Variants in EXOC6B observed in about 807,000 individuals in gnomAD.
The protein encoded by EXOC6B is SEC15 homolog B.
Under a neutral mutation model 113.5 loss-of-function variants are expected in EXOC6B, and 54 were observed. The ratio of observed to expected loss-of-function variants is 0.48; its 90% CI spans 0.38 to 0.60. EXOC6B has a LOEUF of 0.60. Ranked by LOEUF, EXOC6B falls within the 20% of genes least tolerant of loss-of-function variation. The pLI is 0.00. For synonymous variants in EXOC6B, 357 were observed against 339.0 expected, an observed-to-expected ratio of 1.05 and a Z score of -0.58; for missense variants, 797 against 977.5, an observed-to-expected ratio of 0.82 and a Z score of 2.46.
chr2:72,195,604 C>T lies in EXOC6B; in HGVS notation c.2197-11417G>A, dbSNP rs570477930. 3.7e-3 allele frequency among the ~76,000 whole-genome samples: 564 copies of T among 152,254 alleles called. 3 individuals carry two copies. Among genetic ancestry groups the T allele is most frequent in the Non-Finnish European group, 5.8e-3 (396 of 68,010 alleles). ...ATTGAGTTGTTAACTAAACTACCCTCCCTCTCTGGACAAAATGACTAAGTG... is the reference window on the plus strand; with the variant it reads ...ATTGAGTTGTTAACTAAACTACCCTTCCTCTCTGGACAAAATGACTAAGTG... On this transcript the variant is annotated intron_variant, in intron 20 of 21. Coordinates refer to ENST00000272427, the MANE Select transcript of EXOC6B (RefSeq NM_015189.3).
chr2:72,285,398 T>C (rs897011272), intron 20 of EXOC6B, among the ~76,000 whole-genome samples: 3 of 152,046 alleles, frequency 2.0e-5, no homozygotes, highest in Non-Finnish European at 4.4e-5. Context: ...GATGTTCTTT[T>C]CGACAAATGT....
At chr2:72,406,686 T>A (rs902013960) in intron 18 of EXOC6B, among the ~76,000 whole-genome samples, 15 of 152,188 alleles carry the variant, frequency 9.9e-5, no homozygotes, top group Admixed American at 5.9e-4. Flanking sequence ...CCAGAATCTT[T>A]GGGACACATT....
chr2:72,589,378 T>G (rs377649334), intron 6 of EXOC6B, among the ~76,000 whole-genome samples: 18 of 152,130 alleles, frequency 1.2e-4, no homozygotes, highest in African/African-American at 3.6e-4. Context: ...AATAACTAAT[T>G]CAAAGGGAAA....
intron 7 of EXOC6B, among the ~76,000 whole-genome samples, chr2:72,564,206 G>A (rs1310420689): frequency 1.3e-5 from 2 of 152,068 alleles, no homozygotes; most frequent in Admixed American, 6.5e-5. Flanking sequence ...AAATAGAAAT[G>A]CATTAGTACA....
chr2:72,640,384 C>A (rs1162456868), intron 6 of EXOC6B, among the ~76,000 whole-genome samples: 1 of 152,136 alleles, frequency 6.6e-6, no homozygotes, highest in Non-Finnish European at 1.5e-5. Context: ...ACCAAATCTA[C>A]AACTCTTTGG....
intron 8 of EXOC6B, among the ~76,000 whole-genome samples, chr2:72,533,235 G>A (rs181370124): frequency 6.6e-6 from 1 of 152,294 alleles, no homozygotes; most frequent in Non-Finnish European, 1.5e-5. Context: ...GAGCTTGGCT[G>A]TGCCTAACTT....
At chr2:72,500,931 T>C (rs2105594272) in intron 11 of EXOC6B, among the ~76,000 whole-genome samples, 1 of 152,326 alleles carries the variant, frequency 6.6e-6, no homozygotes, top group African/African-American at 2.4e-5. Flanking sequence ...TGCTTCCTTA[T>C]AAAAGGGCTA....
rs1700998492 is a variant in EXOC6B at position 72,512,597 on chromosome 2, G to C, written c.1167+535C>G. ...ATGTTATGAACTTTTTTTTTCAAAA[G>C]GTAACAGTAGAACTGTGAACTCCAA... On this transcript the variant is annotated intron_variant, in intron 11 of 21. Coordinates refer to ENST00000272427, the MANE Select transcript of EXOC6B (RefSeq NM_015189.3). Among the ~76,000 whole-genome samples the C allele has an allele frequency of 2.0e-5, 3 of 151,434 alleles. No individual in the cohort carries two copies. In the South Asian group the frequency reaches 6.2e-4, roughly 31 times the overall value.
At chr2:72,812,099 T>C (rs754731306) in intron 1 of EXOC6B, among the ~76,000 whole-genome samples, 2 of 152,170 alleles carry the variant, frequency 1.3e-5, no homozygotes, top group Non-Finnish European at 2.9e-5. Flanking sequence ...CTCTCTCCAT[T>C]TGCAGATAAC....
chr2:72,778,982 C>A (rs1420701748), intron 1 of EXOC6B, among the ~76,000 whole-genome samples: 2 of 151,876 alleles, frequency 1.3e-5, no homozygotes, highest in Non-Finnish European at 2.9e-5. Flanking sequence ...TGAATATGTC[C>A]ATATATAGTA....
intron 21 of EXOC6B, among the ~76,000 whole-genome samples, chr2:72,183,334 T>C (rs1330523470): frequency 6.6e-6 from 1 of 152,206 alleles, no homozygotes; most frequent in African/African-American, 2.4e-5. Context: ...AGCTCTCTAA[T>C]AGATTAGCAA....
chr2:72,340,767 A>C (rs146332027), intron 19 of EXOC6B, among the ~76,000 whole-genome samples: 12 of 152,322 alleles, frequency 7.9e-5, no homozygotes, highest in African/African-American at 2.9e-4. Context: ...CTGTATTAAC[A>C]TAACGGTTTC....
At chr2:72,572,171 CATTT>C (rs1233751651) in intron 7 of EXOC6B, among the ~76,000 whole-genome samples, 2 of 152,152 alleles carry the variant, frequency 1.3e-5, no homozygotes, top group Admixed American at 6.5e-5. Context: ...CCCAAACATT[CATTT>C]GTTTGTTTTA....
At chr2:72,412,958 C>T (rs943837261) in intron 18 of EXOC6B, among the ~76,000 whole-genome samples, 9 of 151,218 alleles carry the variant, frequency 6.0e-5, no homozygotes, top group African/African-American at 9.7e-5. Context: ...CTCCCTCTCT[C>T]TTTCTTTCTT....
At chr2:72,184,318 A>C in intron 20 of EXOC6B, 131 bp from the exon 21 acceptor site, 2 of 552,060 alleles carry the variant, frequency 3.6e-6, no homozygotes, top group South Asian at 2.7e-5. Flanking sequence ...TAATAAGAAA[A>C]AGAACAGCTG....
At chr2:72,262,344 T>C (rs1015402748) in intron 20 of EXOC6B, among the ~76,000 whole-genome samples, 50 of 151,948 alleles carry the variant, frequency 3.3e-4, no homozygotes, top group African/African-American at 8.7e-4. Context: ...CTGGTCTTTG[T>C]TTAAGAGGCC....
At chr2:72,408,714 G>T (rs967416357) in intron 18 of EXOC6B, among the ~76,000 whole-genome samples, 10 of 151,972 alleles carry the variant, frequency 6.6e-5, no homozygotes, top group South Asian at 2.1e-4. Flanking sequence ...CAAAAATTAA[G>T]TTAAGATGGA....
intron 2 of EXOC6B, among the ~76,000 whole-genome samples, chr2:72,740,946 C>CA (rs1218956139): frequency 4.0e-5 from 6 of 151,212 alleles, no homozygotes; most frequent in Non-Finnish European, 5.9e-5. Context: ...ACTAAAAGTA[C>CA]AAAAAAAATT....
At position 72,825,880 on chromosome 2, in the gene EXOC6B, T is replaced by C. The variant is rs1559033758; in HGVS notation, c.31A>G (p.Ser11Gly). MERGKMAEAE[S>G]LETAAEHERI... ...TCGTGCTCTGCCGCTGTCTCCAGGC[T>C]CTCCGCCTCCGCCATCTTACCCCGC... is the stretch of plus-strand genomic sequence containing the variant. Residue 11 changes from serine (S) to glycine (G), a missense_variant, in exon 1 of 22, where the codon AGC (serine) becomes GGC (glycine). Physicochemically the swap from Ser to Gly is moderately conservative, Grantham distance 56. Transcript: ENST00000272427. This position sits in a 1 kb window ranked among gnomAD's most constrained non-coding sequence, Gnocchi z 4.4. 1 of 1,613,264 alleles carries C rather than the reference T, an allele frequency of 6.2e-7. No homozygotes were observed. Among genetic ancestry groups the C allele is most frequent in the Non-Finnish European group, 8.5e-7 (1 of 1,179,708 alleles).
Sources: gnomAD v4.1 joint callset for allele counts (sites outside exome capture counted in the v4.1 genomes callset) on GRCh38, gnomAD v4.1.1 for gene constraint, Gnocchi (gnomAD v3.1) non-coding constraint, MANE v1.5 for transcripts, NCBI Gene and HGNC (gene_info 2026-07-23, HGNC 2026-07-21) for gene names.